The following RAB6A variants were observed in gnomAD, a reference collection of about 807,000 sequenced individuals.
RAB6A encodes ras-related protein Rab-6A.
In RAB6A, 8 loss-of-function variants were observed where a neutral mutation model predicts 32.3. The observed-to-expected ratio is 0.25, with a 90% CI of 0.15 to 0.45. The LOEUF is 0.45. Ranked by LOEUF, RAB6A falls within the 20% of genes least tolerant of loss-of-function variation. The pLI is 1.00. For synonymous variants in RAB6A, 73 were observed against 82.1 expected (o/e 0.89, Z 0.60); for missense variants, 104 against 249.4 (o/e 0.42, Z 3.93).
At chr11:73,682,459 C>T (rs12275204) in intron 6 of RAB6A, among the ~76,000 whole-genome samples, 5 of 152,076 alleles carry the variant, frequency 3.3e-5, no homozygotes, top group African/African-American at 1.2e-4. Context: ...GTCAGGAGAT[C>T]GAGACCATCT....
At chr11:73,688,574 A>C (rs530939489) in intron 6 of RAB6A, among the ~76,000 whole-genome samples, 16 of 152,328 alleles carry the variant, frequency 1.1e-4, no homozygotes, top group African/African-American at 3.8e-4. Context: ...TGAACTCTTA[A>C]GAGATCTTGT....
At chr11:73,702,319 C>T (rs1945758379) in intron 6 of RAB6A, among the ~76,000 whole-genome samples, 1 of 152,126 alleles carries the variant, frequency 6.6e-6, no homozygotes, top group African/African-American at 2.4e-5. Flanking sequence ...TGCCACCATG[C>T]TCAGCTAATT....
chr11:73,717,222 G>GT, intron 4 of RAB6A, among the ~76,000 whole-genome samples: 1 of 152,250 alleles, frequency 6.6e-6, no homozygotes. Context: ...ACAATTATTC[G>GT]TTATTAGATA....
chr11:73,741,169 C>G (rs1288762201), intron 1 of RAB6A, among the ~76,000 whole-genome samples: 1 of 149,490 alleles, frequency 6.7e-6, no homozygotes, highest in East Asian at 2.0e-4. Context: ...CAGAGTCTTG[C>G]TCTGTCGCCC....
chr11:73,716,439 A>C, intron 4 of RAB6A, 77 bp from the exon 5 acceptor site: 1 of 1,015,934 alleles, frequency 9.8e-7, no homozygotes, highest in Non-Finnish European at 1.5e-6. Flanking sequence ...TCCCTCCAAA[A>C]AAGCCCTGGA....
intron 3 of RAB6A, 121 bp from the exon 4 acceptor site, chr11:73,718,839 T>G: frequency 6.2e-7 from 1 of 1,613,462 alleles, no homozygotes; most frequent in Non-Finnish European, 8.5e-7. Flanking sequence ...TAACTGGGAA[T>G]GAGGCTACGG....
At chr11:73,685,885 C>CAAAAAAAAAAAAAAAAAAAAAA (rs56270679) in intron 6 of RAB6A, among the ~76,000 whole-genome samples, 3 of 103,026 alleles carry the variant, frequency 2.9e-5, no homozygotes, top group Non-Finnish European at 5.4e-5. Context: ...AACTCCGTCT[C>CAAAAAAAAAAAAAAAAAAAAAA]AAAAAAAAAA....
Position 73,677,970 on chromosome 11 carries a change from A to C in RAB6A, c.563-8T>G, listed in dbSNP as rs375679902. ...CCAGTTTTATGTCAATCACTGAAAC[A>C]AAAGTTAAGAAGCCATAAATGGGAA... On this transcript the variant is annotated splice_region_variant and splice_polypyrimidine_tract_variant and intron_variant, in intron 7 of 7. Transcript: ENST00000336083. 56 of 1,613,984 alleles carry C rather than the reference A, an allele frequency of 3.5e-5. No homozygotes were observed. Among genetic ancestry groups the C allele is most frequent in the South Asian group, 1.8e-4 (16 of 91,088 alleles).
At position 73,753,938 on chromosome 11, in the gene RAB6A, A is replaced by G. The variant is rs552252880; in HGVS notation, c.70+6628T>C. ...CTACCAAACCACCTGACACTGTAGC[A>G]ATTTTCAATAAAGATTTGTTAAATT... On this transcript the variant is annotated intron_variant, in intron 1 of 7. Transcript: ENST00000336083. Among the ~76,000 whole-genome samples, 3 of 152,340 alleles carry G rather than the reference A, an allele frequency of 2.0e-5. No individual in the cohort carries two copies. In the East Asian group the frequency reaches 5.8e-4, roughly 29 times the overall value.
At chr11:73,728,068 G>A (rs536350124) in intron 2 of RAB6A, among the ~76,000 whole-genome samples, 72 of 152,244 alleles carry the variant, frequency 4.7e-4, no homozygotes, top group Non-Finnish European at 8.7e-4. Context: ...CTGAAAAGTA[G>A]TGGTAATAAA....
intron 5 of RAB6A, among the ~76,000 whole-genome samples, chr11:73,714,192 C>CAAAAA (rs71272251): frequency 9.1e-5 from 6 of 66,108 alleles, no homozygotes; most frequent in African/African-American, 2.4e-4. Flanking sequence ...AACTCCATCT[C>CAAAAA]AAAAAAAAAA....
intron 1 of RAB6A, among the ~76,000 whole-genome samples, chr11:73,736,977 CAA>C (rs535172648): frequency 1.4e-4 from 9 of 64,948 alleles, no homozygotes; most frequent in Non-Finnish European, 1.7e-4. Flanking sequence ...GACACTGTCT[CAA>C]AAAAAAAAAA....
At chr11:73,700,512 A>T (rs1336986326) in intron 6 of RAB6A, among the ~76,000 whole-genome samples, 1 of 144,996 alleles carries the variant, frequency 6.9e-6, no homozygotes, top group Non-Finnish European at 1.5e-5. Flanking sequence ...TGAGCCCAGC[A>T]GTTCAAGGCT....
intron 1 of RAB6A, among the ~76,000 whole-genome samples, chr11:73,758,350 A>G (rs556527896): frequency 9.9e-5 from 15 of 152,244 alleles, no homozygotes; most frequent in Non-Finnish European, 1.6e-4. Flanking sequence ...ATAACATATC[A>G]ATATTAGTTC....
chr11:73,730,751 C>CA lies in RAB6A; in HGVS notation c.129+13dup. Reference sequence around the variant, plus strand: ...AAAAAATAGACAACAAATAAATTGGCAAAAACAAAATACCTGATAGGTGTT... The same window carrying CA: ...AAAAAATAGACAACAAATAAATTGGCAAAAAACAAAATACCTGATAGGTGTT... On this transcript the variant is annotated intron_variant, in intron 2 of 7. Transcript: ENST00000336083. 1 of 1,586,924 alleles carries CA rather than the reference C, an allele frequency of 6.3e-7. No individual in the cohort carries two copies. Among genetic ancestry groups the CA allele is most frequent in the Non-Finnish European group, 8.6e-7 (1 of 1,165,646 alleles).
intron 6 of RAB6A, among the ~76,000 whole-genome samples, chr11:73,698,782 C>G (rs1366580376): frequency 6.6e-6 from 1 of 151,674 alleles, no homozygotes; most frequent in African/African-American, 2.4e-5. Flanking sequence ...TTTCTTCTTC[C>G]TAGAAGCATC....
At chr11:73,741,330 G>T (rs1427617614) in intron 1 of RAB6A, among the ~76,000 whole-genome samples, 1 of 152,038 alleles carries the variant, frequency 6.6e-6, no homozygotes, top group African/African-American at 2.4e-5. Flanking sequence ...TAGAGACGGG[G>T]TTTCACCATG....
intron 1 of RAB6A, among the ~76,000 whole-genome samples, chr11:73,738,278 G>T (rs566877257): frequency 1.1e-4 from 16 of 152,056 alleles, no homozygotes; most frequent in Non-Finnish European, 2.1e-4. Context: ...AAAGTACCAG[G>T]ATTATGGTCG....
At chr11:73,720,432 T>C (rs1946117165) in intron 3 of RAB6A, among the ~76,000 whole-genome samples, 1 of 151,864 alleles carries the variant, frequency 6.6e-6, no homozygotes, top group Non-Finnish European at 1.5e-5. Context: ...TCCACCTGCC[T>C]CAGCCTCCCA....
Sources: gnomAD v4.1 joint callset for allele counts (sites outside exome capture counted in the v4.1 genomes callset) on GRCh38, gnomAD v4.1.1 for gene constraint, MANE v1.5 for transcripts, NCBI Gene and HGNC (gene_info 2026-07-23, HGNC 2026-07-21) for gene names.